Variants in WASHC4 observed in about 807,000 individuals in gnomAD.
WASHC4 encodes WASH complex subunit 7.
WASHC4 carries 86 observed loss-of-function variants against 166.6 expected under a neutral mutation model. The ratio of observed to expected loss-of-function variants is 0.52; its 90% CI spans 0.43 to 0.62. WASHC4 has a LOEUF of 0.62. Among genes scored for constraint, WASHC4 ranks in the 20% least tolerant of loss-of-function variants. WASHC4 has a pLI of 0.00. For missense variants in WASHC4, 1,262 were observed against 1,382.4 expected (o/e 0.91, Z 1.38); for synonymous variants, 446 against 451.6 (o/e 0.99, Z 0.16).
At chr12:105,146,857 A>T (rs1248234757) in intron 23 of WASHC4, among the ~76,000 whole-genome samples, 185 bp from the exon 24 acceptor site, 1 of 152,144 alleles carries the variant, frequency 6.6e-6, no homozygotes, top group Non-Finnish European at 1.5e-5. Context: ...CTCAAAGGAA[A>T]CGCTCATTGG....
chr12:105,165,146 G>A (rs1170841773), intron 32 of WASHC4, among the ~76,000 whole-genome samples: 1 of 152,222 alleles, frequency 6.6e-6, no homozygotes, highest in African/African-American at 2.4e-5. Context: ...TTAAAGAACT[G>A]TAAAATCATA....
chr12:105,140,943 T>TG lies in WASHC4; in HGVS notation c.1606dup (p.Val536GlyfsTer9). The TG allele has an allele frequency of 1.2e-6, 2 of 1,614,168 alleles. No individual in the cohort carries two copies. The highest frequency in any genetic ancestry group is 1.7e-6 in the Non-Finnish European group (2 of 1,180,000). On this transcript the variant is annotated frameshift_variant, in exon 17 of 33. Transcript: ENST00000332180. LOFTEE classifies it high-confidence loss of function. ...AAAAATACAGCGAACAGCGTCTTGATGTGCTCTCTGCTCTAGTTTTGGCTG... is the reference window on the plus strand; with the variant it reads ...AAAAATACAGCGAACAGCGTCTTGATGGTGCTCTCTGCTCTAGTTTTGGCTG...
chr12:105,131,110 C>G (rs1317411944), intron 13 of WASHC4, among the ~76,000 whole-genome samples: 1 of 149,248 alleles, frequency 6.7e-6, no homozygotes, highest in East Asian at 1.9e-4. Flanking sequence ...GACGGAGTCT[C>G]GCTCTGTCTC....
chr12:105,140,310 TC>T lies in WASHC4; in HGVS notation c.1470del (p.Tyr491ThrfsTer14). 1 of 1,612,670 alleles carries T rather than the reference TC, an allele frequency of 6.2e-7. No homozygotes were observed. Among genetic ancestry groups the T allele is most frequent in the Non-Finnish European group, 8.5e-7 (1 of 1,178,654 alleles). ...TCTTTTTAGGCAATAGAGCATATGT[TC>T]TACAGGAGAAGCATGGTTGTGGCTG... ...VELLKAIEHMFYRRSMVVADS... is the reference protein window; with the variant it reads ...VELLKAIEHMXYRRSMVVADS... On this transcript the variant is annotated frameshift_variant, in exon 16 of 33. Transcript: ENST00000332180. LOFTEE classifies it high-confidence loss of function.
In WASHC4 at chr12:105,167,249, G is replaced by T; in HGVS notation, c.*318G>T. 1 of 319,146 alleles carries T rather than the reference G, an allele frequency of 3.1e-6. No individual in the cohort carries two copies. The highest frequency in any genetic ancestry group is 5.9e-6 in the Non-Finnish European group (1 of 168,260). The allele number at this position is 319,146 out of a possible 1,614,324, so 19.8% of individuals were successfully genotyped here. A position where few individuals can be genotyped will look rare whatever the true frequency, so the allele number is the denominator to read the frequency against. On this transcript the variant is annotated 3_prime_UTR_variant, in exon 33 of 33. Transcript: ENST00000332180. ...ACCTCGGATTTCTTGTAATCTACAT[G>T]TTTGTAATTTGTATTTGCATAGATC...
chr12:105,144,898 C>T (rs755269345), intron 22 of WASHC4, 26 bp downstream of exon 22: 1 of 1,591,532 alleles, frequency 6.3e-7, no homozygotes, highest in Non-Finnish European at 8.6e-7. Context: ...TTTTTTTTAG[C>T]ATACTGTGAC....
chr12:105,121,995 T>C (rs1880795135), intron 9 of WASHC4, 123 bp from the exon 10 acceptor site: 2 of 678,634 alleles, frequency 2.9e-6, no homozygotes, highest in South Asian at 3.8e-5. Context: ...TGTTCAAATT[T>C]TCAAATGTGT....
chr12:105,111,172 G>C lies in WASHC4; in HGVS notation c.109G>C (p.Glu37Gln), dbSNP rs1879648981. 5 of 1,605,762 alleles carry C rather than the reference G, an allele frequency of 3.1e-6. No homozygotes were observed. The highest frequency in any genetic ancestry group is 3.4e-6 in the Non-Finnish European group (4 of 1,172,966). Residue 37 changes from glutamate to glutamine, a missense_variant, in exon 2 of 33, where the codon GAG becomes CAG. Glu to Gln is a conservative substitution (Grantham distance 29). Transcript: ENST00000332180. ...QLKNYGKFLE[E>Q]YTSQLRRIED... ...TAAGAATTATGGGAAATTTCTTGAG[G>C]AGTATACCTCTCAACTGAGAAGAAT...
At chr12:105,148,631 AAAC>A in intron 24 of WASHC4, 3 of 985,388 alleles carry the variant, frequency 3.0e-6, no homozygotes, top group Non-Finnish European at 3.6e-6. Context: ...GAAACAGAAA[AAAC>A]AAGGAGAGAG....
At chr12:105,145,005 T>C in intron 22 of WASHC4, 133 bp downstream of exon 22, 1 of 914,292 alleles carries the variant, frequency 1.1e-6, no homozygotes, top group South Asian at 1.7e-5. Context: ...ATATAAAATC[T>C]TATACTTGAC....
At position 105,164,647 on chromosome 12, in the gene WASHC4, G is replaced by T; in HGVS notation, c.3361G>T (p.Glu1121Ter). ...AATTTTTAAATTTACTTAGGAATTT[G>T]AATTGCTGTATTTCTCACTGAGCAG... is the stretch of plus-strand genomic sequence containing the variant. ...KRLDVYLQEF[E>*]LLYFSLSSAR... Residue 1121 changes from glutamate to a stop codon, truncating the protein, a stop_gained, in exon 32 of 33, where the codon GAA becomes TAA. Transcript: ENST00000332180. LOFTEE classifies it high-confidence loss of function. 1.2e-6 allele frequency: 2 copies of T among 1,609,526 alleles called. No individual in the cohort carries two copies. Among genetic ancestry groups the T allele is most frequent in the South Asian group, 2.2e-5 (2 of 90,680 alleles).
In WASHC4 at chr12:105,144,204, A is replaced by G. The variant is rs536063926; in HGVS notation, c.2011-83A>G. On this transcript the variant is annotated intron_variant, in intron 20 of 32. Coordinates refer to ENST00000332180, the MANE Select transcript of WASHC4 (RefSeq NM_015275.3). ...CTTCTGACCAAAAAACTATTGGTTT[A>G]AAATGGAGCATAGACATGTAGGGAA... 6.8e-6 allele frequency: 8 copies of G among 1,179,304 alleles called. No individual in the cohort carries two copies. The South Asian group carries it at 9.3e-5, about 14-fold the overall frequency. 73.1% of individuals were successfully genotyped at this position (1,179,304 alleles called of 1,614,324 possible).
Position 105,168,401 on chromosome 12 carries a change from G to A in WASHC4, c.*1470G>A, listed in dbSNP as rs1255855650. On this transcript the variant is annotated 3_prime_UTR_variant, in exon 33 of 33. Transcript: ENST00000332180. ...TAATAACTGTAGAAATGGCCCTAAA[G>A]CATGCTGCATAATTAATAATTTATA... 6.6e-6 allele frequency: 1 copy of A among 152,252 alleles called. No individual in the cohort carries two copies. Among genetic ancestry groups the A allele is most frequent in the Admixed American group, 6.6e-5 (1 of 15,242 alleles). 9.4% of individuals were successfully genotyped at this position (152,252 alleles called of 1,614,324 possible).
intron 29 of WASHC4, among the ~76,000 whole-genome samples, chr12:105,161,402 G>A (rs1196875): frequency 0.022 from 3,357 of 152,246 alleles, 56 homozygotes; most frequent in Middle Eastern, 0.051. Context: ...TGGAGGGAGA[G>A]TGTCATATTT....
Position 105,162,028 on chromosome 12 carries a change from G to A in WASHC4, c.3061-721G>A, listed in dbSNP as rs896431070. ...GCTCAGTGGCCGCTTGTGATTAGTG[G>A]CTTACTGTATGTACTGGATGGTGCA... On this transcript the variant is annotated intron_variant, in intron 29 of 32. Coordinates refer to ENST00000332180, the MANE Select transcript of WASHC4 (RefSeq NM_015275.3). Among the ~76,000 whole-genome samples, 3 of 152,202 alleles carry A rather than the reference G, an allele frequency of 2.0e-5. No individual in the cohort carries two copies. In the South Asian group the frequency reaches 6.2e-4, roughly 31 times the overall value.
chr12:105,114,447 T>C lies in WASHC4; in HGVS notation c.321+20T>C. ...TATGAGGTAATTATTTGAATTCTTG[T>C]CTTAAAACTTTAAAAACATCATTTA... is the stretch of plus-strand genomic sequence containing the variant. On this transcript the variant is annotated intron_variant, in intron 4 of 32. Transcript: ENST00000332180. 1 of 1,483,898 alleles carries C rather than the reference T, an allele frequency of 6.7e-7. No individual in the cohort carries two copies. The highest frequency in any genetic ancestry group is 9.3e-7 in the Non-Finnish European group (1 of 1,080,320). 91.9% of individuals were successfully genotyped at this position (1,483,898 alleles called of 1,614,324 possible). A position where few individuals can be genotyped will look rare whatever the true frequency, so the allele number is the denominator to read the frequency against.
intron 14 of WASHC4, among the ~76,000 whole-genome samples, chr12:105,137,052 G>A (rs1193518913): frequency 1.3e-5 from 2 of 152,054 alleles, no homozygotes; most frequent in Non-Finnish European, 1.5e-5. Context: ...AAGGTTCCTT[G>A]CTAAACTGTA....
intron 29 of WASHC4, among the ~76,000 whole-genome samples, chr12:105,161,702 T>A (rs923055478): frequency 1.4e-4 from 22 of 152,360 alleles, no homozygotes; most frequent in Middle Eastern, 3.4e-3. Context: ...TAATGATTGA[T>A]AAAAAATTCA....
chr12:105,115,072 A>G (rs1447775439), intron 4 of WASHC4, 112 bp from the exon 5 acceptor site: 8 of 620,618 alleles, frequency 1.3e-5, no homozygotes, highest in South Asian at 9.4e-5. Context: ...ATGAATTTGT[A>G]TGCAAATGAT....
Sources: allele counts gnomAD v4.1 joint callset (sites outside exome capture counted in the v4.1 genomes callset), GRCh38; gene constraint gnomAD v4.1.1; transcripts MANE v1.5; gene names NCBI Gene and HGNC (gene_info 2026-07-23, HGNC 2026-07-21).